The following MED13L variants were observed in gnomAD, a reference collection of about 807,000 sequenced individuals.
MED13L encodes mediator complex subunit 13L.
A neutral mutation model predicts 220.9 loss-of-function variants in MED13L; 7 were observed. The ratio of observed to expected loss-of-function variants is 0.03; its 90% CI spans 0.02 to 0.06. MED13L has a LOEUF of 0.06. MED13L is among the 10% of genes least tolerant of loss of function. The pLI, the probability that MED13L is intolerant of heterozygous loss-of-function variation, is 1.00. For synonymous variants in MED13L, 1,011 were observed against 1,015.2 expected, an observed-to-expected ratio of 1.00 and a Z score of 0.08; for missense variants, 1,965 against 2,760.5, an observed-to-expected ratio of 0.71 and a Z score of 6.46.
At chr12:116,276,656 G>T (rs1211101670) in intron 1 of MED13L, 2 of 1,193,698 alleles carry the variant, frequency 1.7e-6, no homozygotes, top group East Asian at 1.2e-4. Flanking sequence ...AACAACGGGG[G>T]AAGAGGTTGC....
At chr12:116,107,272 C>T (rs981320957) in intron 3 of MED13L, among the ~76,000 whole-genome samples, 1 of 152,188 alleles carries the variant, frequency 6.6e-6, no homozygotes, top group Non-Finnish European at 1.5e-5. Context: ...GAGTAAGTAG[C>T]AGTGATCTTT....
At chr12:116,222,432 T>C (rs138937628) in intron 2 of MED13L, among the ~76,000 whole-genome samples, 3,300 of 152,322 alleles carry the variant, frequency 0.022, 57 homozygotes, top group Non-Finnish European at 0.032. Context: ...CTGTTCCATT[T>C]TGGATATGTG....
At chr12:116,025,843 A>C (rs2137463218) in intron 4 of MED13L, among the ~76,000 whole-genome samples, 1 of 152,320 alleles carries the variant, frequency 6.6e-6, no homozygotes, top group East Asian at 1.9e-4. Flanking sequence ...ATCTCAAAAC[A>C]GGTAAAACAG....
intron 2 of MED13L, chr12:116,168,982 A>G (rs1879484673): frequency 6.6e-6 from 1 of 152,232 alleles, no homozygotes; most frequent in Admixed American, 6.5e-5. Flanking sequence ...GGCCTACTGC[A>G]GGGGTGTGAA....
At chr12:116,159,028 A>C (rs1000401055) in intron 2 of MED13L, among the ~76,000 whole-genome samples, 1 of 152,174 alleles carries the variant, frequency 6.6e-6, no homozygotes, top group Non-Finnish European at 1.5e-5. Context: ...AATATGTTCA[A>C]TCCTACCTTC....
intron 4 of MED13L, among the ~76,000 whole-genome samples, chr12:116,049,943 C>T (rs1868363467): frequency 6.6e-6 from 1 of 152,026 alleles, no homozygotes; most frequent in African/African-American, 2.4e-5. Flanking sequence ...ATGAGAGATA[C>T]AAAAACACGT....
chr12:116,015,969 T>A (rs1879698945), intron 7 of MED13L, among the ~76,000 whole-genome samples: 1 of 139,066 alleles, frequency 7.2e-6, no homozygotes, highest in African/African-American at 2.6e-5. Flanking sequence ...ATACAGTGGT[T>A]ATAAATATAA....
At position 116,019,351 on chromosome 12, in the gene MED13L, A is replaced by AACCGGGATT; in HGVS notation, c.881_882insAATCCCGGT (p.Ile292_Val294dup). ...CTCCAGCACTGGCAACACTCTGAGG[A>AACCGGGATT]ACCGGGATGTCATTCTGAGAGATCA... is the stretch of plus-strand genomic sequence containing the variant. On this transcript the variant is annotated inframe_insertion, in exon 7 of 31. Transcript: ENST00000281928. 2 of 1,614,062 alleles carry AACCGGGATT rather than the reference A, an allele frequency of 1.2e-6. No homozygotes were observed. Among genetic ancestry groups the AACCGGGATT allele is most frequent in the Non-Finnish European group, 1.7e-6 (2 of 1,179,964 alleles).
chr12:115,968,302 T>C lies in MED13L; in HGVS notation c.6225+638A>G, dbSNP rs187863821. ...AACCCTCTAACTCTTAAATCTTCTG[T>C]TGTTCATCCACCTCCAATATCCCTG... On this transcript the variant is annotated intron_variant, in intron 28 of 30. Coordinates refer to ENST00000281928, the MANE Select transcript of MED13L (RefSeq NM_015335.5). 1.2e-4 allele frequency among the ~76,000 whole-genome samples: 19 copies of C among 152,308 alleles called. No homozygotes were observed. The East Asian group carries it at 2.7e-3, about 22-fold the overall frequency.
chr12:116,275,722 C>G (rs1358939824), intron 1 of MED13L, among the ~76,000 whole-genome samples: 2 of 152,134 alleles, frequency 1.3e-5, no homozygotes, highest in Non-Finnish European at 2.9e-5. Flanking sequence ...AATGCATGCT[C>G]TCCAAAAGGG....
At chr12:116,090,954 G>A (rs1320812425) in intron 4 of MED13L, among the ~76,000 whole-genome samples, 2 of 151,694 alleles carry the variant, frequency 1.3e-5, no homozygotes, top group African/African-American at 4.8e-5. Flanking sequence ...GTGAAATCCC[G>A]TCTCTACTAA....
chr12:116,089,070 G>A (rs1192893575), intron 4 of MED13L, among the ~76,000 whole-genome samples: 1 of 151,898 alleles, frequency 6.6e-6, no homozygotes, highest in East Asian at 1.9e-4. Context: ...AATACAAAAT[G>A]ACAGCTGAGA....
chr12:116,002,675 TGAAA>T (rs1566003619), intron 14 of MED13L, among the ~76,000 whole-genome samples: 1 of 152,238 alleles, frequency 6.6e-6, no homozygotes, highest in Non-Finnish European at 1.5e-5. Context: ...AGTATCAGTT[TGAAA>T]AATCACTTGT....
intron 16 of MED13L, among the ~76,000 whole-genome samples, chr12:115,995,148 T>G (rs1878317670): frequency 6.6e-6 from 1 of 152,166 alleles, no homozygotes; most frequent in Non-Finnish European, 1.5e-5. Flanking sequence ...GACATTAAAA[T>G]TAACTTCATC....
chr12:116,231,231 AG>A (rs1160133452), intron 2 of MED13L, among the ~76,000 whole-genome samples: 1 of 152,218 alleles, frequency 6.6e-6, no homozygotes, highest in African/African-American at 2.4e-5. Context: ...CAATTACAAA[AG>A]GAAAGGATAT....
intron 4 of MED13L, among the ~76,000 whole-genome samples, chr12:116,088,089 TACC>T (rs1000830594): frequency 1.3e-5 from 2 of 152,102 alleles, no homozygotes; most frequent in Non-Finnish European, 2.9e-5. Context: ...GGAAAGAGTT[TACC>T]ACCAGAAGGA....
chr12:116,181,662 C>T (rs1298093138), intron 2 of MED13L, among the ~76,000 whole-genome samples: 3 of 151,980 alleles, frequency 2.0e-5, no homozygotes, highest in African/African-American at 4.8e-5. Context: ...CCACCATGCC[C>T]GGCTAATTTT....
At chr12:116,178,219 G>C (rs999471691) in intron 2 of MED13L, among the ~76,000 whole-genome samples, 9 of 152,088 alleles carry the variant, frequency 5.9e-5, no homozygotes. Flanking sequence ...CAGTTCCATA[G>C]ATATGTATTA....
chr12:116,162,488 G>C (rs948650292), intron 2 of MED13L, among the ~76,000 whole-genome samples: 2 of 152,210 alleles, frequency 1.3e-5, no homozygotes, highest in Admixed American at 6.5e-5. Context: ...GGATTGGTAA[G>C]CCTACATGGT....
Sources: allele counts gnomAD v4.1 joint callset (sites outside exome capture counted in the v4.1 genomes callset), GRCh38; gene constraint gnomAD v4.1.1; transcripts MANE v1.5; gene names NCBI Gene and HGNC (gene_info 2026-07-23, HGNC 2026-07-21).